Variants in NEGR1 observed in about 807,000 individuals in gnomAD.
NEGR1 encodes the protein neuronal growth regulator 1.
Under a neutral mutation model 40.9 loss-of-function variants are expected in NEGR1, and 10 were observed. The observed-to-expected ratio is 0.24, with a 90% CI of 0.15 to 0.42. The LOEUF (loss-of-function observed/expected upper bound fraction) is 0.42, where lower values mean the gene tolerates loss of function less well. NEGR1 is among the 10% of genes least tolerant of loss of function. The pLI is 1.00. For missense variants in NEGR1, 352 were observed against 438.9 expected, an observed-to-expected ratio of 0.80 and a Z score of 1.77; for synonymous variants, 185 against 166.8, an observed-to-expected ratio of 1.11 and a Z score of -0.84.
rs1012671010 is a variant in NEGR1, at chr1:72,054,726, T to C, written c.177-119415A>G. Among the ~76,000 whole-genome samples, 5 of 151,242 alleles carry C rather than the reference T, an allele frequency of 3.3e-5. No individual in the cohort carries two copies. In the Admixed American group the frequency reaches 3.3e-4, roughly 10 times the overall value. ...TCTGACTTTCCATTTATCTTATCTA[T>C]ACAATTAAAATACCACATTTTTTAT... is the stretch of plus-strand genomic sequence containing the variant. On this transcript the variant is annotated intron_variant, in intron 1 of 6. Transcript: ENST00000357731.
At chr1:72,231,123 A>C (rs1403966402) in intron 1 of NEGR1, among the ~76,000 whole-genome samples, 1 of 152,170 alleles carries the variant, frequency 6.6e-6, no homozygotes, top group Non-Finnish European at 1.5e-5. Context: ...GAAAGTAGGC[A>C]GATGGAAGAA....
chr1:71,898,473 G>A (rs1661032927), intron 2 of NEGR1, among the ~76,000 whole-genome samples: 1 of 152,048 alleles, frequency 6.6e-6, no homozygotes, highest in Non-Finnish European at 1.5e-5. Context: ...AAATTAGCCG[G>A]GCGTAGTGGC....
intron 3 of NEGR1, among the ~76,000 whole-genome samples, chr1:71,699,568 C>T (rs2783044): frequency 0.017 from 2,535 of 151,644 alleles, 60 homozygotes; most frequent in African/African-American, 0.058. Flanking sequence ...AAACAAAACA[C>T]TTCACTTCCA....
chr1:71,540,833 C>G (rs1051910095), intron 6 of NEGR1, among the ~76,000 whole-genome samples: 2 of 151,602 alleles, frequency 1.3e-5, no homozygotes, highest in African/African-American at 2.4e-5. Flanking sequence ...AAGCGTGGCA[C>G]TGGCATCTGC....
At position 71,751,827 on chromosome 1, in the gene NEGR1, G is replaced by C. The variant is rs562314917; in HGVS notation, c.535+24345C>G. ...CCATCAATAGAAAAATGCAGTCAAG[G>C]ATATACTCTTTCAGAATTCCATTTA... On this transcript the variant is annotated intron_variant, in intron 3 of 6. Coordinates refer to ENST00000357731, the MANE Select transcript of NEGR1 (RefSeq NM_173808.3). Among the ~76,000 whole-genome samples, 7 of 152,250 alleles carry C rather than the reference G, an allele frequency of 4.6e-5. No homozygotes were observed. In the East Asian group the frequency reaches 1.4e-3, roughly 29 times the overall value.
At chr1:71,843,531 T>A (rs1659312016) in intron 2 of NEGR1, among the ~76,000 whole-genome samples, 1 of 152,146 alleles carries the variant, frequency 6.6e-6, no homozygotes, top group Non-Finnish European at 1.5e-5. Flanking sequence ...GTCTGTATCC[T>A]CTATCTGTTC....
intron 3 of NEGR1, among the ~76,000 whole-genome samples, chr1:71,701,792 G>A (rs75600214): frequency 3.9e-5 from 6 of 152,076 alleles, no homozygotes; most frequent in East Asian, 1.9e-4. Flanking sequence ...AGAAAGACAC[G>A]TGGTATAATT....
chr1:71,597,782 G>T (rs2101528090), intron 5 of NEGR1, among the ~76,000 whole-genome samples: 1 of 151,712 alleles, frequency 6.6e-6, no homozygotes, highest in East Asian at 2.0e-4. Flanking sequence ...TAATCCCAGT[G>T]GGCGCCTGTA....
intron 1 of NEGR1, among the ~76,000 whole-genome samples, chr1:72,150,122 T>C (rs551807571): frequency 2.0e-5 from 3 of 152,124 alleles, no homozygotes; most frequent in Non-Finnish European, 4.4e-5. Flanking sequence ...TTTCCAAAAC[T>C]GAGTGTCTTA....
chr1:72,222,078 G>A (rs1169824741), intron 1 of NEGR1, among the ~76,000 whole-genome samples: 1 of 151,972 alleles, frequency 6.6e-6, no homozygotes, highest in Non-Finnish European at 1.5e-5. Context: ...CTACAGGCTG[G>A]CCCCTGTAGA....
chr1:71,513,268 A>T (rs1647089863), intron 6 of NEGR1, among the ~76,000 whole-genome samples: 1 of 152,202 alleles, frequency 6.6e-6, no homozygotes, highest in Non-Finnish European at 1.5e-5. Context: ...TTTGAGGAAT[A>T]CAGAAATCTA....
At chr1:71,901,269 T>C (rs1260688100) in intron 2 of NEGR1, among the ~76,000 whole-genome samples, 1 of 152,222 alleles carries the variant, frequency 6.6e-6, no homozygotes, top group Non-Finnish European at 1.5e-5. Flanking sequence ...GAGCCTGCCA[T>C]AGCAACTACT....
chr1:71,608,963 C>T (rs1046237234), intron 5 of NEGR1, among the ~76,000 whole-genome samples: 5 of 152,062 alleles, frequency 3.3e-5, no homozygotes, highest in African/African-American at 1.2e-4. Flanking sequence ...ACTTCTCAAC[C>T]TAGGTTATCA....
chr1:72,262,082 T>A (rs1177906666), intron 1 of NEGR1, among the ~76,000 whole-genome samples: 1 of 151,872 alleles, frequency 6.6e-6, no homozygotes, highest in African/African-American at 2.4e-5. Context: ...TGGGGGAAAA[T>A]GGGCATCTTA....
At chr1:71,738,909 G>T (rs1412972419) in intron 3 of NEGR1, among the ~76,000 whole-genome samples, 1 of 152,056 alleles carries the variant, frequency 6.6e-6, no homozygotes, top group East Asian at 1.9e-4. Context: ...TACATAGCAT[G>T]AGTTCATTGT....
intron 1 of NEGR1, among the ~76,000 whole-genome samples, chr1:72,128,660 C>T (rs978441215): frequency 6.6e-6 from 1 of 151,972 alleles, no homozygotes; most frequent in Admixed American, 6.6e-5. Context: ...TAATATTACT[C>T]TAAATTCACT....
chr1:72,132,439 C>A (rs1650294387), intron 1 of NEGR1, among the ~76,000 whole-genome samples: 1 of 152,098 alleles, frequency 6.6e-6, no homozygotes, highest in South Asian at 2.1e-4. Flanking sequence ...AAGTTGAATC[C>A]TTATGGAGTT....
At chr1:72,232,600 TA>T (rs1229767437) in intron 1 of NEGR1, among the ~76,000 whole-genome samples, 2 of 152,122 alleles carry the variant, frequency 1.3e-5, no homozygotes, top group Middle Eastern at 3.2e-3. Flanking sequence ...GGTTAAGCAA[TA>T]TTTTTTTTCT....
chr1:71,510,481 A>G (rs1647065260), intron 6 of NEGR1, among the ~76,000 whole-genome samples: 2 of 152,214 alleles, frequency 1.3e-5, no homozygotes, highest in South Asian at 4.1e-4. Flanking sequence ...CGGCCTACAA[A>G]TGTAACAAAC....
Sources: gnomAD v4.1 joint callset for allele counts (sites outside exome capture counted in the v4.1 genomes callset) on GRCh38, gnomAD v4.1.1 for gene constraint, MANE v1.5 for transcripts, NCBI Gene and HGNC (gene_info 2026-07-23, HGNC 2026-07-21) for gene names.